Variants in PPTC7 observed in about 807,000 individuals in gnomAD.
The protein encoded by PPTC7 is protein phosphatase targeting COQ7.
In PPTC7, 6 loss-of-function variants were observed where a neutral mutation model predicts 30.8. That is an observed-to-expected ratio of 0.19 (90% confidence interval 0.11 to 0.38). The LOEUF (loss-of-function observed/expected upper bound fraction) is 0.38, where lower values mean the gene tolerates loss of function less well. Ranked by LOEUF, PPTC7 falls within the 10% of genes least tolerant of loss-of-function variation. PPTC7 has a pLI of 1.00. For synonymous variants in PPTC7, 163 were observed against 168.1 expected, an observed-to-expected ratio of 0.97 and a Z score of 0.23; for missense variants, 218 against 404.8, an observed-to-expected ratio of 0.54 and a Z score of 3.96.
At chr12:110,557,890 G>A (rs1036676739) in intron 1 of PPTC7, among the ~76,000 whole-genome samples, 2 of 152,128 alleles carry the variant, frequency 1.3e-5, no homozygotes, top group African/African-American at 4.8e-5. Context: ...GAGAAGTGCT[G>A]AGCAAAGGGG....
At chr12:110,554,768 G>C (rs557122096) in intron 1 of PPTC7, among the ~76,000 whole-genome samples, 3 of 152,242 alleles carry the variant, frequency 2.0e-5, no homozygotes, top group East Asian at 1.9e-4. Flanking sequence ...AAGACACTGA[G>C]AGAAAATGTC....
chr12:110,566,762 A>G (rs1427641818), intron 1 of PPTC7, among the ~76,000 whole-genome samples: 2 of 152,228 alleles, frequency 1.3e-5, no homozygotes, highest in African/African-American at 4.8e-5. Context: ...ATAATGCATA[A>G]AAGATAAGTA....
In PPTC7 at chr12:110,571,449, G is replaced by C. The variant is rs181599145; in HGVS notation, c.223+11360C>G. On this transcript the variant is annotated intron_variant, in intron 1 of 5. Transcript: ENST00000354300. Reference sequence around the variant, plus strand: ...GAACCATTTCAAACAGAAGAAGATAGCATTTCAGTTTCTGATGCCCCTGGA... The same window carrying C: ...GAACCATTTCAAACAGAAGAAGATACCATTTCAGTTTCTGATGCCCCTGGA... 6.8e-3 allele frequency among the ~76,000 whole-genome samples: 1,035 copies of C among 151,958 alleles called. 1 individual carries two copies. The highest frequency in any genetic ancestry group is 9.3e-3 in the Non-Finnish European group (634 of 67,968).
intron 3 of PPTC7, among the ~76,000 whole-genome samples, chr12:110,540,310 T>TCCCCCCCCC (rs1235977655): frequency 9.6e-6 from 1 of 104,392 alleles, no homozygotes; most frequent in African/African-American, 3.8e-5. Context: ...CCGAATTCCA[T>TCCCCCCCCC]CCCCCCCCGC....
intron 1 of PPTC7, among the ~76,000 whole-genome samples, chr12:110,563,661 A>C (rs986055627): frequency 3.3e-5 from 5 of 150,062 alleles, no homozygotes; most frequent in African/African-American, 1.2e-4. Context: ...GCAAAACTCA[A>C]ACAACAAAAT....
chr12:110,558,715 TC>T (rs2064409866), intron 1 of PPTC7, among the ~76,000 whole-genome samples: 1 of 152,164 alleles, frequency 6.6e-6, no homozygotes, highest in East Asian at 1.9e-4. Context: ...AACCTCCGCT[TC>T]CCAGGTTCAA....
chr12:110,566,951 C>G (rs1247242046), intron 1 of PPTC7, among the ~76,000 whole-genome samples: 2 of 152,218 alleles, frequency 1.3e-5, no homozygotes, highest in Non-Finnish European at 2.9e-5. Flanking sequence ...AGTAACCTTA[C>G]TTAGCAAATA....
At chr12:110,547,505 A>T (rs1345584303) in intron 2 of PPTC7, among the ~76,000 whole-genome samples, 1 of 152,226 alleles carries the variant, frequency 6.6e-6, no homozygotes, top group Non-Finnish European at 1.5e-5. Context: ...TGTAAAATAT[A>T]TTTGAAAGGA....
intron 1 of PPTC7, among the ~76,000 whole-genome samples, chr12:110,566,765 G>GATA (rs1259426160): frequency 3.3e-5 from 5 of 152,272 alleles, no homozygotes; most frequent in Admixed American, 1.3e-4. Flanking sequence ...ATGCATAAAA[G>GATA]ATAAGTAGTC....
chr12:110,568,515 G>GT (rs1456698803), intron 1 of PPTC7, among the ~76,000 whole-genome samples: 4 of 152,092 alleles, frequency 2.6e-5, no homozygotes, highest in African/African-American at 9.7e-5. Context: ...GCCTCCCAAA[G>GT]TGCTGGGATT....
At chr12:110,558,914 T>A (rs756189425) in intron 1 of PPTC7, among the ~76,000 whole-genome samples, 2 of 152,224 alleles carry the variant, frequency 1.3e-5, no homozygotes, top group Non-Finnish European at 2.9e-5. Flanking sequence ...GCTAGTTTTA[T>A]CTTTTCAATG....
intron 1 of PPTC7, among the ~76,000 whole-genome samples, chr12:110,566,571 C>G (rs1013180770): frequency 1.3e-5 from 2 of 152,182 alleles, no homozygotes; most frequent in African/African-American, 4.8e-5. Flanking sequence ...GTGCTCCGCT[C>G]ACAGCCAACA....
At chr12:110,580,588 C>A (rs1027598880) in intron 1 of PPTC7, among the ~76,000 whole-genome samples, 2 of 152,164 alleles carry the variant, frequency 1.3e-5, no homozygotes, top group East Asian at 1.9e-4. Flanking sequence ...GATCCGCCCA[C>A]CTCCGCCTCC....
At chr12:110,556,790 T>C (rs947385906) in intron 1 of PPTC7, among the ~76,000 whole-genome samples, 1 of 152,146 alleles carries the variant, frequency 6.6e-6, no homozygotes, top group Non-Finnish European at 1.5e-5. Flanking sequence ...AGTGGGGTGC[T>C]AGACTTCTCA....
intron 1 of PPTC7, among the ~76,000 whole-genome samples, chr12:110,579,654 C>T (rs1461090830): frequency 2.0e-5 from 3 of 152,176 alleles, no homozygotes; most frequent in Non-Finnish European, 4.4e-5. Flanking sequence ...CAGGAATCTA[C>T]TGAAGGTGCC....
intron 1 of PPTC7, among the ~76,000 whole-genome samples, chr12:110,578,784 C>T (rs1170567141): frequency 1.3e-5 from 2 of 152,154 alleles, no homozygotes; most frequent in African/African-American, 2.4e-5. Context: ...CTCAACATAG[C>T]CTTTTAATGT....
In PPTC7 at chr12:110,582,846, C is replaced by A; in HGVS notation, c.186G>T (p.Ala62=). The A allele has an allele frequency of 6.4e-7, 1 of 1,562,182 alleles. No individual in the cohort carries two copies. Among genetic ancestry groups the A allele is most frequent in the Non-Finnish European group, 8.7e-7 (1 of 1,153,340 alleles). ...LKKGACYGDD[A]CFVARHRSAD... The stretch of plus-strand genomic sequence containing the variant: ...CGGAACGGTGCCGGGCCACGAAGCA[C>A]GCGTCGTCCCCGTAGCACGCGCCCT... Residue 62 remains alanine, a synonymous_variant, in exon 1 of 6, where the codon GCG becomes GCT. Transcript: ENST00000354300.
At chr12:110,556,928 A>C (rs2064393129) in intron 1 of PPTC7, among the ~76,000 whole-genome samples, 1 of 152,280 alleles carries the variant, frequency 6.6e-6, no homozygotes, top group Admixed American at 6.5e-5. Flanking sequence ...TGAAAGTGGC[A>C]TTCGGATAGG....
At chr12:110,541,735 G>A (rs561424175) in intron 3 of PPTC7, among the ~76,000 whole-genome samples, 3 of 151,490 alleles carry the variant, frequency 2.0e-5, no homozygotes, top group South Asian at 4.2e-4. Context: ...TACATTCACC[G>A]GAAATAGCTA....
Sources: allele counts gnomAD v4.1 joint callset (sites outside exome capture counted in the v4.1 genomes callset), GRCh38; gene constraint gnomAD v4.1.1; transcripts MANE v1.5; gene names NCBI Gene and HGNC (gene_info 2026-07-23, HGNC 2026-07-21).